Variants in LAMA4 observed in about 807,000 individuals in gnomAD.
LAMA4 encodes the protein laminin subunit alpha 4.
LAMA4 carries 127 observed loss-of-function variants against 207.1 expected under a neutral mutation model. That is an observed-to-expected ratio of 0.61 (90% CI 0.53 to 0.71). The LOEUF is 0.71. Ranked by LOEUF, LAMA4 falls within the 30% of genes least tolerant of loss-of-function variation. LAMA4 has a pLI of 0.00. For missense variants in LAMA4, 2,093 were observed against 2,246.5 expected (o/e 0.93, Z 1.38); for synonymous variants, 761 against 816.0 (o/e 0.93, Z 1.15).
intron 36 of LAMA4, among the ~76,000 whole-genome samples, chr6:112,115,540 GT>G (rs1214053805): frequency 6.6e-6 from 1 of 151,920 alleles, no homozygotes; most frequent in Non-Finnish European, 1.5e-5. Context: ...ATGTTTTAGT[GT>G]TTGTTGATTT....
In LAMA4 at chr6:112,221,019, T is replaced by C. The variant is rs7738476; in HGVS notation, c.196-4550A>G. Among the ~76,000 whole-genome samples, 1,304 of 152,272 alleles carry C rather than the reference T, an allele frequency of 8.6e-3. 26 individuals are homozygous for C. The highest frequency in any genetic ancestry group is 0.029 in the African/African-American group (1,213 of 41,568). ...AATTTCTGTTGAGAAGCCTGATTTA[T>C]TAAATCACTTACATACTCGAATAGA... On this transcript the variant is annotated intron_variant, in intron 2 of 38. Coordinates refer to ENST00000230538, the MANE Select transcript of LAMA4 (RefSeq NM_001105206.3).
chr6:112,201,738 G>A, intron 4 of LAMA4, 50 bp from the exon 5 acceptor site: 1 of 1,466,250 alleles, frequency 6.8e-7, no homozygotes, highest in Non-Finnish European at 9.6e-7. Context: ...TCACCAAAGA[G>A]ACTGTCTTAA....
At chr6:112,238,912 C>G (rs1445087321) in intron 2 of LAMA4, among the ~76,000 whole-genome samples, 2 of 152,172 alleles carry the variant, frequency 1.3e-5, no homozygotes, top group African/African-American at 4.8e-5. Flanking sequence ...ATACATTTCA[C>G]TTCGTAGGTG....
intron 2 of LAMA4, among the ~76,000 whole-genome samples, chr6:112,249,320 G>A (rs913661083): frequency 2.6e-5 from 4 of 151,696 alleles, no homozygotes; most frequent in Non-Finnish European, 5.9e-5. Flanking sequence ...GCATGTGCCT[G>A]TAATCCCAGC....
At position 112,186,318 on chromosome 6, in the gene LAMA4, G is replaced by A. The variant is rs77619075; in HGVS notation, c.967-971C>T. Among the ~76,000 whole-genome samples the A allele has an allele frequency of 3.6e-3, 550 of 152,276 alleles. 8 individuals carry two copies. Among genetic ancestry groups the A allele is most frequent in the African/African-American group, 0.012 (508 of 41,544 alleles). On this transcript the variant is annotated intron_variant, in intron 8 of 38. Transcript: ENST00000230538. The stretch of plus-strand genomic sequence containing the variant: ...CACACAGCTAGTGGGTGTCAGAGCT[G>A]GGATTTGAATACAAGCAACCTAGTT...
chr6:112,154,290 A>C (rs1554336357), intron 16 of LAMA4, among the ~76,000 whole-genome samples: 1 of 151,428 alleles, frequency 6.6e-6, no homozygotes, highest in Admixed American at 6.6e-5. Flanking sequence ...TGGCCTTTGG[A>C]AATGCTTCTT....
At chr6:112,233,572 G>A (rs962801429) in intron 2 of LAMA4, among the ~76,000 whole-genome samples, 2 of 152,176 alleles carry the variant, frequency 1.3e-5, no homozygotes, top group South Asian at 2.1e-4. Context: ...AATGCTGAGT[G>A]AGCTAAGAAG....
rs782466900 is a variant in LAMA4 at position 112,185,309 on chromosome 6, T to C, written c.1005A>G (p.Arg335=). The C allele has an allele frequency of 1.9e-6, 3 of 1,613,460 alleles. No homozygotes were observed. In the East Asian group the frequency reaches 6.7e-5, roughly 36 times the overall value. Residue 335 remains arginine, a synonymous_variant, in exon 9 of 39, where the codon AGA becomes AGG. Transcript: ENST00000230538. ...TCTCAGCATTGTTGATTTGTATCTTTCTTAGGGCGTATTGGTTTTCTCTTT... is the reference window on the plus strand; with the variant it reads ...TCTCAGCATTGTTGATTTGTATCTTCCTTAGGGCGTATTGGTTTTCTCTTT... ...LSERENQYAL[R]KIQINNAENT...
chr6:112,187,525 C>T lies in LAMA4; in HGVS notation c.891G>A (p.Gly297=). 6.2e-7 allele frequency: 1 copy of T among 1,614,052 alleles called. No individual in the cohort carries two copies. Among genetic ancestry groups the T allele is most frequent in the African/African-American group, 1.3e-5 (1 of 75,010 alleles). ...CGGCCCCAGAGGATACGCTCAGCAC[C>T]CCGGATTTGCCTTCCTCGATGGAGA... ...AALSIEEGKS[G]VLSVSSGAAA... The change falls in exon 8 of 39, where the codon GGG becomes GGA. Residue 297 remains glycine (G), a synonymous_variant. Transcript: ENST00000230538.
At chr6:112,155,268 G>A (rs571601712) in intron 15 of LAMA4, 2 of 559,592 alleles carry the variant, frequency 3.6e-6, no homozygotes, top group Non-Finnish European at 6.3e-6. Context: ...AATGCATAAA[G>A]TATCTTCTCT....
intron 27 of LAMA4, 96 bp downstream of exon 27, chr6:112,133,253 A>T: frequency 7.7e-7 from 1 of 1,291,472 alleles, no homozygotes; most frequent in Non-Finnish European, 1.1e-6. Flanking sequence ...CCCAAGGTGT[A>T]CCTAGGATCA....
intron 2 of LAMA4, among the ~76,000 whole-genome samples, chr6:112,221,918 G>A (rs1554360724): frequency 1.3e-5 from 2 of 152,136 alleles, no homozygotes; most frequent in Admixed American, 1.3e-4. Flanking sequence ...TATATTAAAT[G>A]AGTAGGTATT....
At chr6:112,239,286 G>A (rs910421095) in intron 2 of LAMA4, among the ~76,000 whole-genome samples, 1 of 135,720 alleles carries the variant, frequency 7.4e-6, no homozygotes, top group Non-Finnish European at 1.5e-5. Context: ...ATGTGCTACT[G>A]CACTCCAGCC....
chr6:112,178,343 G>C, intron 9 of LAMA4, 111 bp from the exon 10 acceptor site: 2 of 768,522 alleles, frequency 2.6e-6, no homozygotes, highest in Non-Finnish European at 4.6e-6. Flanking sequence ...AATCTTCCTG[G>C]CATGTGAAAG....
At chr6:112,138,342 G>A (rs1779478390) in intron 24 of LAMA4, among the ~76,000 whole-genome samples, 1 of 152,046 alleles carries the variant, frequency 6.6e-6, no homozygotes, top group South Asian at 2.1e-4. Context: ...TTTTATTTTT[G>A]TGAGGTGTCT....
At chr6:112,114,986 G>A (rs781912807) in intron 36 of LAMA4, among the ~76,000 whole-genome samples, 8 of 152,020 alleles carry the variant, frequency 5.3e-5, no homozygotes, top group Non-Finnish European at 1.0e-4. Flanking sequence ...TGCGAGAGAG[G>A]GACAATAAGA....
chr6:112,185,390 G>C (rs1210974539), intron 8 of LAMA4, 43 bp from the exon 9 acceptor site: 1 of 1,093,678 alleles, frequency 9.1e-7, no homozygotes. Flanking sequence ...GGGCACACCA[G>C]GTTTTAAAAA....
At chr6:112,129,190 G>A in intron 30 of LAMA4, 115 bp from the exon 31 acceptor site, 1 of 630,684 alleles carries the variant, frequency 1.6e-6, no homozygotes, top group Non-Finnish European at 2.7e-6. Context: ...GTGTGTGCAT[G>A]TGTGTGTGTG....
Position 112,187,124 on chromosome 6 carries a change from C to T in LAMA4, c.966+326G>A, listed in dbSNP as rs561497985. Among the ~76,000 whole-genome samples the T allele has an allele frequency of 7.9e-5, 12 of 152,342 alleles. 1 individual carries two copies. The South Asian group carries it at 2.5e-3, about 32-fold the overall frequency. On this transcript the variant is annotated intron_variant, in intron 8 of 38. Coordinates refer to ENST00000230538, the MANE Select transcript of LAMA4 (RefSeq NM_001105206.3). ...GTACCTTTTGTGGTAATGACTTAAA[C>T]AAGTAATGTATGGCTGCGCCAAGGA...
Sources: gnomAD v4.1 joint callset for allele counts (sites outside exome capture counted in the v4.1 genomes callset) on GRCh38, gnomAD v4.1.1 for gene constraint, MANE v1.5 for transcripts, NCBI Gene and HGNC (gene_info 2026-07-23, HGNC 2026-07-21) for gene names.